Variants in WEE1 observed in about 807,000 individuals in gnomAD.
WEE1 encodes WEE1 G2 checkpoint kinase, also known as wee1-like protein kinase.
Under a neutral mutation model 68.8 loss-of-function variants are expected in WEE1, and 16 were observed. The observed-to-expected ratio is 0.23, with a 90% CI of 0.16 to 0.35. The LOEUF is 0.35. Among genes scored for constraint, WEE1 ranks in the 10% least tolerant of loss-of-function variants. The pLI, the probability that WEE1 is intolerant of heterozygous loss-of-function variation, is 1.00. For missense variants in WEE1, 651 were observed against 824.1 expected, an observed-to-expected ratio of 0.79 and a Z score of 2.57; for synonymous variants, 349 against 318.7, an observed-to-expected ratio of 1.09 and a Z score of -1.01.
At chr11:9,575,458 G>T in intron 1 of WEE1, 1 of 1,001,068 alleles carries the variant, frequency 1.0e-6, no homozygotes. Context: ...TTTATTGGCC[G>T]ACTTGCTCAA....
At chr11:9,585,234 C>G (rs774861059) in intron 6 of WEE1, 24 bp from the exon 7 acceptor site, 1 of 1,532,372 alleles carries the variant, frequency 6.5e-7, no homozygotes, top group Non-Finnish European at 9.0e-7. Context: ...ATTAGTTTGG[C>G]TTACATAATT....
Position 9,588,944 on chromosome 11 carries a change from T to C in WEE1, c.*342T>C. On this transcript the variant is annotated 3_prime_UTR_variant, in exon 11 of 11. Transcript: ENST00000450114. ...TGACCTGTAAAAAGTACTCAAGGGC[T>C]TTATTACAGACATACCCTCCCTTTG... 1.0e-6 allele frequency: 1 copy of C among 991,126 alleles called. No homozygotes were observed. Among genetic ancestry groups the C allele is most frequent in the Non-Finnish European group, 1.2e-6 (1 of 833,350 alleles). 61.4% of individuals were successfully genotyped at this position (991,126 alleles called of 1,614,324 possible).
At position 9,586,538 on chromosome 11, in the gene WEE1, A is replaced by G. The variant is rs754688470; in HGVS notation, c.1560A>G (p.Gly520=). The G allele has an allele frequency of 3.1e-6, 5 of 1,614,198 alleles. No individual in the cohort carries two copies. The highest frequency in any genetic ancestry group is 4.2e-6 in the Non-Finnish European group (5 of 1,180,034). The change falls in exon 9 of 11, where the codon GGA becomes GGG. Residue 520 remains glycine, a synonymous_variant. Transcript: ENST00000450114. ...AAGAEPLPRN[G]DQWHEIRQGR... ...GTGCTGAACCTCTTCCGAGAAATGGAGATCAATGGCATGAAATCAGACAGG... is the reference window on the plus strand; with the variant it reads ...GTGCTGAACCTCTTCCGAGAAATGGGGATCAATGGCATGAAATCAGACAGG...
In WEE1 at chr11:9,585,072, C is replaced by T. The variant is rs1849685053; in HGVS notation, c.1289-186C>T. 6 of 565,680 alleles carry T rather than the reference C, an allele frequency of 1.1e-5. No individual in the cohort carries two copies. The Admixed American group carries it at 1.7e-4, about 16-fold the overall frequency. 35.0% of individuals were successfully genotyped at this position (565,680 alleles called of 1,614,324 possible). ...CAGAGCACACTGTCTCAAAAAAAAA[C>T]AAAAAAAATTCCCAGCAACTATAAC... On this transcript the variant is annotated intron_variant, in intron 6 of 10. Transcript: ENST00000450114.
chr11:9,577,309 C>A (rs751062783), intron 5 of WEE1, 46 bp downstream of exon 5: 16 of 1,589,562 alleles, frequency 1.0e-5, no homozygotes, highest in Non-Finnish European at 1.4e-5. Flanking sequence ...AAATGAACAT[C>A]GAGGAAATAT....
intron 10 of WEE1, among the ~76,000 whole-genome samples, chr11:9,588,041 G>T (rs1366742337): frequency 1.3e-5 from 2 of 151,850 alleles, no homozygotes; most frequent in African/African-American, 4.8e-5. Context: ...AAAAGATGGG[G>T]TCTTGCTCTG....
chr11:9,583,794 C>CAT (rs1849664856), intron 6 of WEE1, among the ~76,000 whole-genome samples: 1 of 27,588 alleles, frequency 3.6e-5, no homozygotes, highest in African/African-American at 1.4e-4. Context: ...CACACACACA[C>CAT]ACACACACAT....
At position 9,576,133 on chromosome 11, in the gene WEE1, T is replaced by G. The variant is rs1362849852; in HGVS notation, c.782+40T>G. On this transcript the variant is annotated intron_variant, in intron 2 of 10. Coordinates refer to ENST00000450114, the MANE Select transcript of WEE1 (RefSeq NM_003390.4). The surrounding 1 kb of genome is among the most constrained non-coding windows in gnomAD (Gnocchi z 4.3). ...TAACAGTTTGGTTCTCCAAATAACC[T>G]AAGATTGGTTTGGTATACTTATCAA... The G allele has an allele frequency of 1.2e-6, 2 of 1,611,774 alleles. No homozygotes were observed. Among genetic ancestry groups the G allele is most frequent in the Middle Eastern group, 1.7e-4 (1 of 6,054 alleles).
chr11:9,586,879 C>A (rs1486552678), intron 10 of WEE1, 23 bp downstream of exon 10: 1 of 1,580,620 alleles, frequency 6.3e-7, no homozygotes, highest in Non-Finnish European at 8.6e-7. Flanking sequence ...TTTATGTTTT[C>A]TTTTTGCTTT....
At chr11:9,578,672 T>A (rs1233448646) in intron 5 of WEE1, 1 of 152,178 alleles carries the variant, frequency 6.6e-6, no homozygotes, top group Non-Finnish European at 1.5e-5. Flanking sequence ...TGTGAATAAT[T>A]CTCTTAACAG....
chr11:9,575,731 T>G, intron 1 of WEE1, 157 bp from the exon 2 acceptor site: 1 of 655,754 alleles, frequency 1.5e-6, no homozygotes, highest in Non-Finnish European at 2.6e-6. Flanking sequence ...TCTTCCTAAA[T>G]TAGCCACAAT....
At chr11:9,578,573 A>G (rs1241725341) in intron 5 of WEE1, 1 of 152,260 alleles carries the variant, frequency 6.6e-6, no homozygotes, top group Non-Finnish European at 1.5e-5. Context: ...TTTAACCTAG[A>G]ACAACTTGAC....
Position 9,589,864 on chromosome 11 carries a change from C to A in WEE1, c.*1262C>A. 3.1e-6 allele frequency: 1 copy of A among 322,666 alleles called. No individual in the cohort carries two copies. Among genetic ancestry groups the A allele is most frequent in the Non-Finnish European group, 4.5e-6 (1 of 223,876 alleles). 20.0% of individuals were successfully genotyped at this position (322,666 alleles called of 1,614,324 possible). On this transcript the variant is annotated 3_prime_UTR_variant, in exon 11 of 11. Transcript: ENST00000450114. ...TGTACTATTATAAAAGCAGAGGGCA[C>A]ATTTTGATTGAATATGAATATCACA...
chr11:9,582,500 T>A (rs1026683251), intron 6 of WEE1, among the ~76,000 whole-genome samples: 2 of 152,240 alleles, frequency 1.3e-5, no homozygotes, highest in African/African-American at 4.8e-5. Flanking sequence ...AGTCATTTTG[T>A]ACAACTTTAT....
rs1706250999 is a variant in WEE1, at chr11:9,586,594, C to T, written c.1616C>T (p.Ser539Phe). The T allele has an allele frequency of 1.9e-6, 3 of 1,614,084 alleles. No individual in the cohort carries two copies. The highest frequency in any genetic ancestry group is 2.5e-6 in the Non-Finnish European group (3 of 1,180,020). Reference protein sequence around the residue: ...GRLPRIPQVLSQEFTELLKVM... With the variant: ...GRLPRIPQVLFQEFTELLKVM... ...TTACCTCGGATACCACAAGTGCTTT[C>T]CCAAGAATTTACAGAGTTGCTAAAA... The change falls in exon 9 of 11, where the codon TCC (serine) becomes TTC (phenylalanine). Residue 539 changes from serine (S) to phenylalanine (F), a missense_variant. Physicochemically the swap from Ser to Phe is radical, Grantham distance 155. Around this residue, in one of 5 missense-constraint regions of WEE1, gnomAD observed 115 missense variants for 142.7 expected, o/e 0.81. Transcript: ENST00000450114.
chr11:9,574,717 C>A lies in WEE1; in HGVS notation c.576+208C>A. Reference sequence around the variant, plus strand: ...ACTGAACAATGGGCCTCGTCTGGAACTTCATCTTACAAAGGGGCCGATCGG... The same window carrying A: ...ACTGAACAATGGGCCTCGTCTGGAAATTCATCTTACAAAGGGGCCGATCGG... On this transcript the variant is annotated intron_variant, in intron 1 of 10. Transcript: ENST00000450114. This position sits in a 1 kb window ranked among gnomAD's most constrained non-coding sequence, Gnocchi z 4.9. The A allele has an allele frequency of 9.4e-7, 1 of 1,065,262 alleles. No individual in the cohort carries two copies. The allele number at this position is 1,065,262 out of a possible 1,614,324, so 66.0% of individuals were successfully genotyped here.
At position 9,581,688 on chromosome 11, in the gene WEE1, G is replaced by C. The variant is rs747611761; in HGVS notation, c.1288+10G>C. 4.4e-6 allele frequency: 7 copies of C among 1,607,416 alleles called. No individual in the cohort carries two copies. Among genetic ancestry groups the C allele is most frequent in the Non-Finnish European group, 5.9e-6 (7 of 1,178,388 alleles). On this transcript the variant is annotated intron_variant, in intron 6 of 10. Coordinates refer to ENST00000450114, the MANE Select transcript of WEE1 (RefSeq NM_003390.4). ...ATGGATATAAAACCTAGTAAGTATT[G>C]CAGATCTTCTGACCTGTGTTCTTTG...
intron 5 of WEE1, chr11:9,578,073 A>G (rs1276805862): frequency 1.1e-5 from 4 of 348,504 alleles, no homozygotes; most frequent in Non-Finnish European, 2.2e-5. Context: ...TTCATACTCA[A>G]GTGTGAAATG....
In WEE1 at chr11:9,574,605, C is replaced by G. The variant is rs916099054; in HGVS notation, c.576+96C>G. 172 of 1,124,346 alleles carry G rather than the reference C, an allele frequency of 1.5e-4. No individual in the cohort carries two copies. Among genetic ancestry groups the G allele is most frequent in the Non-Finnish European group, 1.7e-4 (161 of 920,068 alleles). 69.6% of individuals were successfully genotyped at this position (1,124,346 alleles called of 1,614,324 possible). On this transcript the variant is annotated intron_variant, in intron 1 of 10. Transcript: ENST00000450114. This position sits in a 1 kb window ranked among gnomAD's most constrained non-coding sequence, Gnocchi z 4.9. The stretch of plus-strand genomic sequence containing the variant: ...GTTCGGTTACAGAAGCGGCCGGCCG[C>G]TCCCCCCTCGCTTTCCTGCGCCGCC...
Sources: gnomAD v4.1 joint callset for allele counts (sites outside exome capture counted in the v4.1 genomes callset) on GRCh38, gnomAD v4.1.1 for gene constraint, gnomAD v4.1.1 regional missense constraint, Gnocchi (gnomAD v3.1) non-coding constraint, MANE v1.5 for transcripts, NCBI Gene and HGNC (gene_info 2026-07-23, HGNC 2026-07-21) for gene names.